Variants in LOC128462377 observed in about 807,000 individuals in gnomAD.
chr16:89,338,898 A>G, the LOC128462377 span, among the ~76,000 whole-genome samples: 2 of 152,182 alleles, frequency 1.3e-5, no homozygotes, highest in Non-Finnish European at 2.9e-5. Context: ...AAGCCTAATT[A>G]GTAACAAAAA....
At chr16:89,386,438 G>A in the LOC128462377 span, among the ~76,000 whole-genome samples, 2 of 152,272 alleles carry the variant, frequency 1.3e-5, no homozygotes, top group South Asian at 2.1e-4. Flanking sequence ...CCAGCCACTG[G>A]TCCCTAGCAA....
the LOC128462377 span, among the ~76,000 whole-genome samples, chr16:89,342,949 TC>T: frequency 3.1e-3 from 479 of 152,322 alleles, 1 homozygote; most frequent in African/African-American, 0.011. Context: ...TTTACATGCT[TC>T]ATAATTCCGA....
chr16:89,332,941 G>C, the LOC128462377 span, among the ~76,000 whole-genome samples: 2 of 152,190 alleles, frequency 1.3e-5, no homozygotes, highest in East Asian at 1.9e-4. Flanking sequence ...CTCAAGAAAC[G>C]AGCTGCAACA....
At chr16:89,325,417 G>A in the LOC128462377 span, among the ~76,000 whole-genome samples, 28 of 151,176 alleles carry the variant, frequency 1.9e-4, no homozygotes, top group Non-Finnish European at 2.1e-4. Flanking sequence ...CAGCCCGGGC[G>A]TCAGAGCCAG....
the LOC128462377 span, among the ~76,000 whole-genome samples, chr16:89,337,799 G>A: frequency 2.0e-5 from 3 of 152,162 alleles, no homozygotes; most frequent in African/African-American, 7.2e-5. Flanking sequence ...TGGAAAGCAA[G>A]TTTGCCCAAG....
At chr16:89,347,643 GT>G in the LOC128462377 span, among the ~76,000 whole-genome samples, 2 of 149,814 alleles carry the variant, frequency 1.3e-5, no homozygotes, top group Admixed American at 6.7e-5. Flanking sequence ...TCTCCAGGTT[GT>G]GAAAATGTGA....
At chr16:89,367,856 ATCAG>A in the LOC128462377 span, among the ~76,000 whole-genome samples, 2 of 152,068 alleles carry the variant, frequency 1.3e-5, no homozygotes, top group Non-Finnish European at 2.9e-5. Context: ...AAAAACAAAA[ATCAG>A]TCAGGCACGG....
chr16:89,417,829 G>A, the LOC128462377 span, among the ~76,000 whole-genome samples: 1 of 149,670 alleles, frequency 6.7e-6, no homozygotes, highest in Non-Finnish European at 1.5e-5. Flanking sequence ...CCTCATCCAA[G>A]GACAACCAGG....
the LOC128462377 span, among the ~76,000 whole-genome samples, chr16:89,370,017 C>A: frequency 6.6e-6 from 1 of 152,198 alleles, no homozygotes. Flanking sequence ...TCAGGAAGAG[C>A]CAGGCCAAGA....
the LOC128462377 span, among the ~76,000 whole-genome samples, chr16:89,388,978 T>C: frequency 6.6e-6 from 1 of 152,138 alleles, no homozygotes; most frequent in Non-Finnish European, 1.5e-5. Context: ...ATCCAGCACA[T>C]AATGAGGTAA....
chr16:89,328,672 G>T, the LOC128462377 span, among the ~76,000 whole-genome samples: 9 of 150,318 alleles, frequency 6.0e-5, no homozygotes, highest in African/African-American at 2.2e-4. Flanking sequence ...CCTGCTGAGT[G>T]AGTGGACACA....
At chr16:89,325,240 A>G in the LOC128462377 span, 10 of 152,266 alleles carry the variant, frequency 6.6e-5, no homozygotes, top group Non-Finnish European at 1.3e-4. Context: ...ACGTAAGTCA[A>G]TCTCACAAAT....
the LOC128462377 span, among the ~76,000 whole-genome samples, chr16:89,366,586 C>G: frequency 1.6e-4 from 25 of 152,314 alleles, no homozygotes; most frequent in Non-Finnish European, 3.7e-4. Context: ...GGTTTCCACT[C>G]GCTGAAATCA....
the LOC128462377 span, among the ~76,000 whole-genome samples, chr16:89,369,094 C>G: frequency 2.9e-4 from 44 of 152,256 alleles, no homozygotes; most frequent in African/African-American, 1.0e-3. Flanking sequence ...ATGATCACAT[C>G]ACTACCAAGC....
chr16:89,354,828 A>T, the LOC128462377 span, among the ~76,000 whole-genome samples: 2 of 151,740 alleles, frequency 1.3e-5, no homozygotes, highest in Admixed American at 6.6e-5. Flanking sequence ...CGGAGGTTGC[A>T]GTGAGCCGAG....
chr16:89,348,765 T>C, the LOC128462377 span, among the ~76,000 whole-genome samples: 3 of 152,074 alleles, frequency 2.0e-5, no homozygotes, highest in Non-Finnish European at 4.4e-5. Flanking sequence ...GTACTTTGAA[T>C]GGCTATAAGA....
the LOC128462377 span, among the ~76,000 whole-genome samples, chr16:89,358,284 C>T: frequency 2.0e-5 from 3 of 152,224 alleles, no homozygotes; most frequent in South Asian, 2.1e-4. Context: ...AGCACACAGG[C>T]GTGTTCCTTC....
At chr16:89,342,160 G>A in the LOC128462377 span, among the ~76,000 whole-genome samples, 1 of 152,206 alleles carries the variant, frequency 6.6e-6, no homozygotes, top group African/African-American at 2.4e-5. Flanking sequence ...AGATCTTGGC[G>A]TCTGGGCCTC....
chr16:89,380,535 CAG>C, the LOC128462377 span, among the ~76,000 whole-genome samples: 4 of 145,866 alleles, frequency 2.7e-5, no homozygotes, highest in African/African-American at 1.0e-4. Context: ...AAACGGGACA[CAG>C]GGCACGAAGA....
Sources: allele counts gnomAD v4.1 joint callset (sites outside exome capture counted in the v4.1 genomes callset), GRCh38; gene constraint gnomAD v4.1.1; transcripts MANE v1.5.